Variants in BACH2 observed in about 807,000 individuals in gnomAD.
BACH2 encodes BACH transcriptional regulator 2.
In BACH2, 5 loss-of-function variants were observed where a neutral mutation model predicts 61.8. The ratio of observed to expected loss-of-function variants is 0.08; its 90% CI spans 0.04 to 0.17. The LOEUF is 0.17. Ranked by LOEUF, BACH2 falls within the 10% of genes least tolerant of loss-of-function variation. The pLI is 1.00. For missense variants in BACH2, 824 were observed against 1,091.1 expected, an observed-to-expected ratio of 0.76 and a Z score of 3.45; for synonymous variants, 446 against 440.1, an observed-to-expected ratio of 1.01 and a Z score of -0.17.
At chr6:90,221,301 A>AG (rs1278554339) in intron 3 of BACH2, among the ~76,000 whole-genome samples, 1 of 152,192 alleles carries the variant, frequency 6.6e-6, no homozygotes, top group Admixed American at 6.5e-5. Flanking sequence ...CCACCCAGTG[A>AG]GAAAAAGGAG....
At chr6:90,103,051 T>TTTTTA (rs1554246299) in intron 4 of BACH2, among the ~76,000 whole-genome samples, 1 of 130,650 alleles carries the variant, frequency 7.7e-6, no homozygotes, top group South Asian at 2.4e-4. Context: ...TTTTTTTTTT[T>TTTTTA]ACCAGACTAT....
intron 6 of BACH2, among the ~76,000 whole-genome samples, chr6:89,981,603 G>A (rs566702796): frequency 6.6e-6 from 1 of 152,146 alleles, no homozygotes; most frequent in Non-Finnish European, 1.5e-5. Context: ...TATTAAAACT[G>A]AGAAAAAAAT....
chr6:90,135,298 C>T (rs145872369), intron 4 of BACH2, among the ~76,000 whole-genome samples: 8 of 152,176 alleles, frequency 5.3e-5, no homozygotes, highest in African/African-American at 7.2e-5. Flanking sequence ...TGCCATCTAT[C>T]GCTCACATTT....
intron 4 of BACH2, among the ~76,000 whole-genome samples, chr6:90,102,019 T>G (rs929065092): frequency 2.0e-5 from 3 of 152,240 alleles, no homozygotes; most frequent in African/African-American, 7.2e-5. Flanking sequence ...ATCTTATTAT[T>G]CATTCTAATA....
Position 89,950,051 on chromosome 6 carries a change from G to T in BACH2, c.1836+219C>A. ...AGCTTGCCTCTGCTTGTCGAGTATT[G>T]AGATCCAGATCAAATATCAAGTGCT... On this transcript the variant is annotated intron_variant, in intron 7 of 8. Coordinates refer to ENST00000257749, the MANE Select transcript of BACH2 (RefSeq NM_021813.4). This position sits in a 1 kb window ranked among gnomAD's most constrained non-coding sequence, Gnocchi z 5.3. The T allele has an allele frequency of 1.6e-6, 1 of 609,094 alleles. No individual in the cohort carries two copies. Among genetic ancestry groups the T allele is most frequent in the Non-Finnish European group, 2.9e-6 (1 of 343,304 alleles). 37.7% of individuals were successfully genotyped at this position (609,094 alleles called of 1,614,324 possible). A position where few individuals can be genotyped will look rare whatever the true frequency, so the allele number is the denominator to read the frequency against.
intron 4 of BACH2, among the ~76,000 whole-genome samples, chr6:90,169,671 T>C (rs996715806): frequency 1.3e-5 from 2 of 152,230 alleles, no homozygotes; most frequent in Admixed American, 6.5e-5. Flanking sequence ...TTTAAAACAG[T>C]GCCTGCTGCT....
At chr6:90,167,644 C>T (rs1255654453) in intron 4 of BACH2, among the ~76,000 whole-genome samples, 1 of 152,228 alleles carries the variant, frequency 6.6e-6, no homozygotes, top group Non-Finnish European at 1.5e-5. Flanking sequence ...TAGGCATGAG[C>T]CACTGCGCCT....
intron 4 of BACH2, among the ~76,000 whole-genome samples, chr6:90,091,439 C>T (rs1223114649): frequency 6.6e-6 from 1 of 152,126 alleles, no homozygotes; most frequent in East Asian, 1.9e-4. Context: ...AACATACAAA[C>T]ACATTCTTCC....
chr6:90,155,068 G>A (rs1456665274), intron 4 of BACH2, among the ~76,000 whole-genome samples: 4 of 152,146 alleles, frequency 2.6e-5, no homozygotes, highest in Admixed American at 6.5e-5. Context: ...GAGTGTCTGC[G>A]ATCTGTAATT....
intron 4 of BACH2, among the ~76,000 whole-genome samples, chr6:90,141,213 C>T (rs941273139): frequency 3.9e-5 from 6 of 152,132 alleles, no homozygotes; most frequent in Admixed American, 3.9e-4. Flanking sequence ...TGGAGTCTTG[C>T]TCTGTCCTCC....
chr6:90,101,336 T>A (rs1782617913), intron 4 of BACH2, among the ~76,000 whole-genome samples: 1 of 152,230 alleles, frequency 6.6e-6, no homozygotes, highest in Non-Finnish European at 1.5e-5. Context: ...CAAAAATGTA[T>A]CCCTATATTT....
At chr6:90,169,661 T>C (rs910144323) in intron 4 of BACH2, among the ~76,000 whole-genome samples, 3 of 152,240 alleles carry the variant, frequency 2.0e-5, no homozygotes, top group Non-Finnish European at 4.4e-5. Context: ...CGGTGCTCCT[T>C]TTAAAACAGT....
chr6:90,026,648 T>C (rs1396106415), intron 5 of BACH2, among the ~76,000 whole-genome samples: 3 of 152,170 alleles, frequency 2.0e-5, no homozygotes, highest in East Asian at 1.9e-4. Flanking sequence ...AGAATATCTA[T>C]AGTTTCACAG....
chr6:90,250,031 G>GACTCAAA (rs572385870), intron 3 of BACH2, among the ~76,000 whole-genome samples: 116 of 152,014 alleles, frequency 7.6e-4, no homozygotes, highest in Non-Finnish European at 1.4e-3. Flanking sequence ...TCTTTTCAAA[G>GACTCAAA]ACTCAAAAAA....
At chr6:90,104,344 G>A (rs1782805117) in intron 4 of BACH2, 1 of 152,232 alleles carries the variant, frequency 6.6e-6, no homozygotes, top group Non-Finnish European at 1.5e-5. Flanking sequence ...CCTCAACAGT[G>A]AGGCTGCTCC....
chr6:90,126,110 T>C (rs74436086), intron 4 of BACH2, among the ~76,000 whole-genome samples: 16,115 of 152,138 alleles, frequency 0.11, 1,600 homozygotes, highest in African/African-American at 0.26. Flanking sequence ...AAACATATTT[T>C]AGGATGTTAG....
intron 4 of BACH2, among the ~76,000 whole-genome samples, chr6:90,203,375 C>CCT (rs1194662801): frequency 2.3e-4 from 28 of 123,838 alleles, no homozygotes; most frequent in Non-Finnish European, 4.1e-4. Context: ...AGAGCAAGAC[C>CCT]CTCTCTCTCT....
chr6:90,247,166 T>C (rs992093916), intron 3 of BACH2, among the ~76,000 whole-genome samples: 1 of 152,208 alleles, frequency 6.6e-6, no homozygotes, highest in African/African-American at 2.4e-5. Context: ...AAGCTCTTTA[T>C]ATTCTCATTT....
chr6:90,220,353 T>G (rs1009423334), intron 3 of BACH2, among the ~76,000 whole-genome samples: 1 of 152,016 alleles, frequency 6.6e-6, no homozygotes, highest in Non-Finnish European at 1.5e-5. Flanking sequence ...TCCCACACAC[T>G]GAAAAAAATA....
Sources: gnomAD v4.1 joint callset for allele counts (sites outside exome capture counted in the v4.1 genomes callset) on GRCh38, gnomAD v4.1.1 for gene constraint, Gnocchi (gnomAD v3.1) non-coding constraint, MANE v1.5 for transcripts, NCBI Gene and HGNC (gene_info 2026-07-23, HGNC 2026-07-21) for gene names.